The following TMEM117 variants were observed in gnomAD, a reference collection of about 807,000 sequenced individuals.
TMEM117 encodes transmembrane protein 117.
Under a neutral mutation model 52.4 loss-of-function variants are expected in TMEM117, and 27 were observed. The ratio of observed to expected loss-of-function variants is 0.51; its 90% CI spans 0.38 to 0.71. The LOEUF is 0.71. Ranked by LOEUF, TMEM117 falls within the 30% of genes least tolerant of loss-of-function variation. The probability of loss-of-function intolerance (pLI) is 0.00; values close to 1 mark genes in which losing one functional copy is unlikely to be tolerated. For synonymous variants in TMEM117, 215 were observed against 206.3 expected (o/e 1.04, Z -0.36); for missense variants, 556 against 630.5 (o/e 0.88, Z 1.26).
intron 3 of TMEM117, among the ~76,000 whole-genome samples, chr12:44,107,629 G>C (rs1285381851): frequency 6.6e-6 from 1 of 151,930 alleles, no homozygotes. Context: ...TTAATTTTTC[G>C]ACTATTTCTA....
intron 3 of TMEM117, among the ~76,000 whole-genome samples, chr12:43,957,771 AT>A (rs1362628294): frequency 6.6e-6 from 1 of 152,204 alleles, no homozygotes; most frequent in African/African-American, 2.4e-5. Flanking sequence ...TTTTTATAGC[AT>A]CCATAGTATA....
chr12:44,180,468 G>A (rs990608412), intron 4 of TMEM117, among the ~76,000 whole-genome samples: 1 of 149,328 alleles, frequency 6.7e-6, no homozygotes, highest in African/African-American at 2.5e-5. Context: ...TCGTCATCTA[G>A]CATTAGGTAT....
At chr12:44,076,004 A>T (rs1441862202) in intron 3 of TMEM117, among the ~76,000 whole-genome samples, 1 of 152,182 alleles carries the variant, frequency 6.6e-6, no homozygotes, top group East Asian at 1.9e-4. Context: ...GTTCCCTATT[A>T]GGTTTTTGAG....
chr12:44,017,233 C>CTGTGTGTGTGTGTGTGTGTG (rs143648069), intron 3 of TMEM117, among the ~76,000 whole-genome samples: 11,666 of 147,170 alleles, frequency 0.079, 489 homozygotes, highest in South Asian at 0.13. Context: ...ATGAAGCCTT[C>CTGTGTGTGTGTGTGTGTGTG]TGTGTGTGTG....
intron 1 of TMEM117, among the ~76,000 whole-genome samples, chr12:43,842,931 G>A (rs189975895): frequency 2.0e-4 from 30 of 152,296 alleles, no homozygotes; most frequent in African/African-American, 6.5e-4. Flanking sequence ...GCAGAGAATG[G>A]TGATCAGCAC....
chr12:44,062,248 A>C (rs780107679), intron 3 of TMEM117, among the ~76,000 whole-genome samples: 5 of 152,240 alleles, frequency 3.3e-5, no homozygotes, highest in Non-Finnish European at 7.3e-5. Context: ...CACTTGCATT[A>C]GAAGTAAATA....
At chr12:44,026,049 A>G (rs115297022) in intron 3 of TMEM117, among the ~76,000 whole-genome samples, 1,601 of 152,266 alleles carry the variant, frequency 0.011, 30 homozygotes, top group African/African-American at 0.035. Context: ...TACCCTCTGC[A>G]CTGGAAACCA....
chr12:44,126,867 C>T (rs968576373), intron 3 of TMEM117, among the ~76,000 whole-genome samples: 9 of 152,298 alleles, frequency 5.9e-5, no homozygotes, highest in African/African-American at 2.2e-4. Context: ...TGCTTGACAG[C>T]ATAAATAATT....
intron 3 of TMEM117, among the ~76,000 whole-genome samples, chr12:44,090,361 T>C (rs1947642313): frequency 6.6e-6 from 1 of 151,768 alleles, no homozygotes; most frequent in South Asian, 2.1e-4. Context: ...ATTGTTCCTG[T>C]CTTTGAGTGC....
chr12:43,887,093 C>T (rs1944009942), intron 2 of TMEM117, among the ~76,000 whole-genome samples: 1 of 152,178 alleles, frequency 6.6e-6, no homozygotes, highest in Non-Finnish European at 1.5e-5. Context: ...AAGTGACCCG[C>T]CCTCCTAGGC....
intron 2 of TMEM117, among the ~76,000 whole-genome samples, chr12:43,848,722 C>A (rs537958298): frequency 2.6e-5 from 4 of 152,000 alleles, no homozygotes; most frequent in Non-Finnish European, 5.9e-5. Context: ...CCTCAGCTTA[C>A]GAAGATAACA....
At chr12:43,846,231 C>T (rs1943205657) in intron 2 of TMEM117, among the ~76,000 whole-genome samples, 1 of 151,924 alleles carries the variant, frequency 6.6e-6, no homozygotes, top group Admixed American at 6.6e-5. Flanking sequence ...AAAAAGGTAA[C>T]TTACTATAAG....
chr12:44,295,141 C>T (rs762181796), intron 5 of TMEM117, among the ~76,000 whole-genome samples: 26 of 152,048 alleles, frequency 1.7e-4, no homozygotes, highest in African/African-American at 6.0e-4. Flanking sequence ...TTTCATAAAT[C>T]GCGTATTTAT....
the TMEM117 span, among the ~76,000 whole-genome samples, chr12:43,812,444 A>G: frequency 1.6e-4 from 24 of 152,182 alleles, no homozygotes; most frequent in Non-Finnish European, 2.6e-4. Context: ...CTCTTTACTC[A>G]CTGCAATGCA....
chr12:43,797,409 G>A, the TMEM117 span: 97 of 1,600,620 alleles, frequency 6.1e-5, 1 homozygote, highest in East Asian at 2.0e-3. Flanking sequence ...TTCTGTATTT[G>A]TTGTGTTGGC....
intron 3 of TMEM117, among the ~76,000 whole-genome samples, chr12:44,139,575 G>T (rs1948542129): frequency 6.6e-6 from 1 of 151,824 alleles, no homozygotes; most frequent in Non-Finnish European, 1.5e-5. Context: ...ATTTATTTAG[G>T]ATCTTAAAAG....
intron 5 of TMEM117, among the ~76,000 whole-genome samples, chr12:44,254,824 A>G (rs1253700138): frequency 6.6e-6 from 1 of 151,508 alleles, no homozygotes; most frequent in Admixed American, 6.6e-5. Context: ...CCACCCCACA[A>G]CAGTACCCGG....
At chr12:44,334,717 TCCA>T (rs777812627) in intron 6 of TMEM117, among the ~76,000 whole-genome samples, 2 of 151,972 alleles carry the variant, frequency 1.3e-5, no homozygotes, top group Non-Finnish European at 2.9e-5. Context: ...GACGGAATCC[TCCA>T]CCACATGATG....
At chr12:44,385,246 G>A (rs945185906) in intron 7 of TMEM117, among the ~76,000 whole-genome samples, 3 of 152,098 alleles carry the variant, frequency 2.0e-5, no homozygotes, top group Non-Finnish European at 2.9e-5. Context: ...ACTGATGTTA[G>A]GCCATACAGT....
Sources: allele counts gnomAD v4.1 joint callset (sites outside exome capture counted in the v4.1 genomes callset), GRCh38; gene constraint gnomAD v4.1.1; transcripts MANE v1.5; gene names NCBI Gene and HGNC (gene_info 2026-07-23, HGNC 2026-07-21).